The following UST variants were observed in gnomAD, a reference collection of about 807,000 sequenced individuals.
UST encodes chondroitin sulfate 2-O-sulfotransferase.
UST carries 21 observed loss-of-function variants against 45.6 expected under a neutral mutation model. That is an observed-to-expected ratio of 0.46 (90% confidence interval 0.33 to 0.66). The LOEUF (loss-of-function observed/expected upper bound fraction) is 0.66. Ranked by LOEUF, UST falls within the 30% of genes least tolerant of loss-of-function variation. The pLI is 0.02. For synonymous variants in UST, 215 were observed against 200.6 expected (o/e 1.07, Z -0.61); for missense variants, 463 against 512.4 (o/e 0.90, Z 0.93).
intron 2 of UST, among the ~76,000 whole-genome samples, chr6:148,912,718 T>G (rs1284065929): frequency 6.6e-6 from 1 of 152,248 alleles, no homozygotes; most frequent in African/African-American, 2.4e-5. Context: ...TGTTTTATTT[T>G]TATCTTGTGA....
intron 2 of UST, among the ~76,000 whole-genome samples, chr6:148,919,010 C>T (rs777531401): frequency 1.0e-3 from 157 of 152,288 alleles, no homozygotes; most frequent in Non-Finnish European, 1.8e-3. Context: ...CCACCACCAT[C>T]TTTGCATGGC....
intron 1 of UST, among the ~76,000 whole-genome samples, chr6:148,750,131 G>C (rs374194448): frequency 8.5e-5 from 13 of 152,112 alleles, no homozygotes; most frequent in African/African-American, 2.9e-4. Flanking sequence ...AGTATTTTTC[G>C]TAAATGTAAG....
At chr6:148,798,851 GATTT>G (rs67953897) in intron 1 of UST, among the ~76,000 whole-genome samples, 28,398 of 149,592 alleles carry the variant, frequency 0.19, 2,861 homozygotes, top group South Asian at 0.27. Context: ...GAGGAGATAG[GATTT>G]ATTTATTTAT....
Position 148,887,029 on chromosome 6 carries a change from G to A in UST, c.291G>A (p.Lys97=), listed in dbSNP as rs758031436. ...ATGACCATGGACCACCTCCTAGTAAGGTAAGATCTTTGCTTGTGATATAAG... is the reference window on the plus strand; with the variant it reads ...ATGACCATGGACCACCTCCTAGTAAAGTAAGATCTTTGCTTGTGATATAAG... ...YLDDHGPPPS[K]VLPFPSQVVY... The change falls in exon 2 of 8, where the codon AAG becomes AAA. Residue 97 remains lysine, a splice_region_variant and synonymous_variant. Coordinates refer to ENST00000367463, the MANE Select transcript of UST (RefSeq NM_005715.3). 4.0e-5 allele frequency: 64 copies of A among 1,611,938 alleles called. No individual in the cohort carries two copies. Among genetic ancestry groups the A allele is most frequent in the Non-Finnish European group, 4.9e-5 (58 of 1,178,944 alleles).
intron 4 of UST, among the ~76,000 whole-genome samples, chr6:148,962,242 T>C (rs1028283195): frequency 2.0e-5 from 3 of 152,264 alleles, no homozygotes; most frequent in African/African-American, 7.2e-5. Flanking sequence ...GAGCAAGTCA[T>C]CCATGCTCAT....
At chr6:148,895,283 T>C (rs1441381806) in intron 2 of UST, among the ~76,000 whole-genome samples, 1 of 152,174 alleles carries the variant, frequency 6.6e-6, no homozygotes, top group Non-Finnish European at 1.5e-5. Flanking sequence ...CTGTTCAAAT[T>C]GTGTTATCTT....
At chr6:148,899,378 C>T (rs1013499111) in intron 2 of UST, among the ~76,000 whole-genome samples, 12 of 152,198 alleles carry the variant, frequency 7.9e-5, no homozygotes, top group Non-Finnish European at 1.6e-4. Context: ...GGATTACAGG[C>T]GTGAGCCACC....
At chr6:148,973,870 G>A (rs1320932937) in intron 5 of UST, among the ~76,000 whole-genome samples, 1 of 152,174 alleles carries the variant, frequency 6.6e-6, no homozygotes, top group African/African-American at 2.4e-5. Context: ...TTCTAATTGC[G>A]AGTACTTATG....
intron 1 of UST, among the ~76,000 whole-genome samples, chr6:148,784,471 G>C (rs934901220): frequency 6.6e-6 from 1 of 152,230 alleles, no homozygotes; most frequent in African/African-American, 2.4e-5. Context: ...CAGTGAGTGA[G>C]CTGTGTACCC....
At chr6:148,911,392 C>G (rs960683994) in intron 2 of UST, among the ~76,000 whole-genome samples, 1 of 152,188 alleles carries the variant, frequency 6.6e-6, no homozygotes, top group Non-Finnish European at 1.5e-5. Context: ...GGGAGAGAAC[C>G]ACTAGACCTT....
chr6:149,059,094 G>A (rs1158228644), intron 7 of UST, among the ~76,000 whole-genome samples: 1 of 152,178 alleles, frequency 6.6e-6, no homozygotes, highest in Non-Finnish European at 1.5e-5. Context: ...GGAAAGCCAG[G>A]AAGCCAGAGC....
intron 7 of UST, among the ~76,000 whole-genome samples, chr6:149,039,878 C>T (rs1443090621): frequency 6.6e-6 from 1 of 152,182 alleles, no homozygotes; most frequent in Non-Finnish European, 1.5e-5. Flanking sequence ...GGCCATGACC[C>T]GTCACTTCCA....
intron 1 of UST, among the ~76,000 whole-genome samples, chr6:148,861,429 TG>T (rs1259393418): frequency 1.3e-5 from 2 of 152,196 alleles, no homozygotes; most frequent in Non-Finnish European, 2.9e-5. Flanking sequence ...TCAATTTTGT[TG>T]ATCTTTTCAA....
chr6:148,864,668 C>T (rs73778927), intron 1 of UST, among the ~76,000 whole-genome samples: 2,085 of 152,292 alleles, frequency 0.014, 51 homozygotes, highest in African/African-American at 0.046. Context: ...ATCAAGTTGA[C>T]GCTCAATATT....
chr6:148,842,044 T>G (rs903119574), intron 1 of UST, among the ~76,000 whole-genome samples: 1 of 152,052 alleles, frequency 6.6e-6, no homozygotes, highest in African/African-American at 2.4e-5. Flanking sequence ...AGGCAGAGAT[T>G]GCAGTGAGCC....
At chr6:148,938,252 GT>G (rs1489601784) in intron 2 of UST, among the ~76,000 whole-genome samples, 2 of 152,280 alleles carry the variant, frequency 1.3e-5, no homozygotes, top group East Asian at 3.9e-4. Context: ...TTCAGTGTCT[GT>G]TTAGGCTCTT....
intron 7 of UST, among the ~76,000 whole-genome samples, chr6:149,062,093 T>G (rs1776662670): frequency 6.6e-6 from 1 of 152,238 alleles, no homozygotes; most frequent in Non-Finnish European, 1.5e-5. Context: ...CATAGCTATT[T>G]GTGTTTGTGG....
intron 1 of UST, among the ~76,000 whole-genome samples, chr6:148,827,529 T>C (rs1777595188): frequency 6.6e-6 from 1 of 151,832 alleles, no homozygotes; most frequent in Non-Finnish European, 1.5e-5. Context: ...GGCAGGAGAA[T>C]TGCTTGAATC....
intron 1 of UST, among the ~76,000 whole-genome samples, chr6:148,807,324 C>T (rs2114725138): frequency 6.6e-6 from 1 of 152,214 alleles, no homozygotes; most frequent in Admixed American, 6.5e-5. Flanking sequence ...CTCTCATCAT[C>T]CTTACCTCTT....
Sources: allele counts gnomAD v4.1 joint callset (sites outside exome capture counted in the v4.1 genomes callset), GRCh38; gene constraint gnomAD v4.1.1; transcripts MANE v1.5; gene names NCBI Gene and HGNC (gene_info 2026-07-23, HGNC 2026-07-21).